RANBP2: variants seen among roughly 807,000 people sequenced by gnomAD.
RANBP2 encodes RAN binding protein 2.
In RANBP2, 57 loss-of-function variants were observed where a neutral mutation model predicts 303.6. The observed-to-expected ratio is 0.19, with a 90% CI of 0.15 to 0.23. The LOEUF is 0.23. Ranked by LOEUF, RANBP2 falls within the 10% of genes least tolerant of loss-of-function variation. RANBP2 has a pLI of 1.00. For synonymous variants in RANBP2, 1,167 were observed against 1,301.5 expected (o/e 0.90, Z 2.23); for missense variants, 3,138 against 3,780.8 (o/e 0.83, Z 4.46).
At chr2:108,768,786 A>T (rs1677294030) in intron 20 of RANBP2, among the ~76,000 whole-genome samples, 1 of 152,156 alleles carries the variant, frequency 6.6e-6, no homozygotes, top group Non-Finnish European at 1.5e-5. Flanking sequence ...GAATGCCAGC[A>T]CTTTGGGAGG....
the RANBP2 span, among the ~76,000 whole-genome samples, chr2:109,315,146 C>G: frequency 6.6e-6 from 1 of 152,212 alleles, no homozygotes. Context: ...TTTTACTTTA[C>G]TGAGTATAAT....
At chr2:109,359,865 G>A in the RANBP2 span, among the ~76,000 whole-genome samples, 1 of 152,102 alleles carries the variant, frequency 6.6e-6, no homozygotes, top group Non-Finnish European at 1.5e-5. Context: ...CAACCATAAA[G>A]GGTCATAAAA....
At chr2:109,655,615 C>A in the RANBP2 span, among the ~76,000 whole-genome samples, 3 of 148,314 alleles carry the variant, frequency 2.0e-5, no homozygotes, top group African/African-American at 8.0e-5. Flanking sequence ...TCACTTGGGT[C>A]CCTGAGAGAC....
At chr2:109,085,935 G>T in the RANBP2 span, among the ~76,000 whole-genome samples, 1 of 152,096 alleles carries the variant, frequency 6.6e-6, no homozygotes, top group Non-Finnish European at 1.5e-5. Flanking sequence ...GCACAGTTCC[G>T]TGGCATTAAG....
chr2:109,214,447 T>C, the RANBP2 span, among the ~76,000 whole-genome samples: 2 of 145,126 alleles, frequency 1.4e-5, no homozygotes, highest in Non-Finnish European at 3.0e-5. Flanking sequence ...ACTTAAAGTA[T>C]TAAAAAAAAA....
At chr2:109,498,880 G>A in the RANBP2 span, among the ~76,000 whole-genome samples, 1 of 152,222 alleles carries the variant, frequency 6.6e-6, no homozygotes, top group Non-Finnish European at 1.5e-5. Flanking sequence ...GGCGTTCTGG[G>A]CAGAGGGAGC....
the RANBP2 span, among the ~76,000 whole-genome samples, chr2:109,110,752 G>T: frequency 6.6e-6 from 1 of 152,184 alleles, no homozygotes; most frequent in African/African-American, 2.4e-5. Flanking sequence ...CTGTCTGGGA[G>T]ACAGCTGTCC....
the RANBP2 span, among the ~76,000 whole-genome samples, chr2:109,111,841 T>C: frequency 6.8e-6 from 1 of 147,372 alleles, no homozygotes; most frequent in Non-Finnish European, 1.5e-5. Context: ...GTCCATGTGT[T>C]CTCATTGTTC....
the RANBP2 span, among the ~76,000 whole-genome samples, chr2:109,339,061 G>A: frequency 6.6e-6 from 1 of 152,126 alleles, no homozygotes; most frequent in Non-Finnish European, 1.5e-5. Flanking sequence ...AAGTGGAAGT[G>A]GATCATCATA....
chr2:109,630,698 A>G, the RANBP2 span, among the ~76,000 whole-genome samples: 1 of 152,208 alleles, frequency 6.6e-6, no homozygotes, highest in Non-Finnish European at 1.5e-5. Flanking sequence ...ATTTCCTAAA[A>G]GAGTACAAAA....
At chr2:109,414,086 T>C in the RANBP2 span, among the ~76,000 whole-genome samples, 1 of 152,150 alleles carries the variant, frequency 6.6e-6, no homozygotes, top group Non-Finnish European at 1.5e-5. Flanking sequence ...TCCTTCTGTT[T>C]ATTGGGCTGC....
At chr2:109,360,567 G>T in the RANBP2 span, among the ~76,000 whole-genome samples, 4 of 152,142 alleles carry the variant, frequency 2.6e-5, no homozygotes, top group Non-Finnish European at 4.4e-5. Context: ...TCCAAAATCT[G>T]AAAACATCTG....
At chr2:108,796,406 A>G in the RANBP2 span, among the ~76,000 whole-genome samples, 10 of 152,214 alleles carry the variant, frequency 6.6e-5, no homozygotes, top group African/African-American at 2.4e-4. Context: ...AAGTACAGCC[A>G]CTGTGGAAAA....
chr2:109,688,754 G>C, the RANBP2 span, among the ~76,000 whole-genome samples: 1 of 141,086 alleles, frequency 7.1e-6, no homozygotes, highest in South Asian at 2.4e-4. Flanking sequence ...ACTCCAGCCT[G>C]GGTGACGGAG....
At chr2:109,452,258 C>T in the RANBP2 span, among the ~76,000 whole-genome samples, 373 of 152,340 alleles carry the variant, frequency 2.4e-3, 1 homozygote, top group African/African-American at 8.3e-3. Flanking sequence ...GCAGCCAGCA[C>T]ACTCCCTGCA....
intron 1 of RANBP2, among the ~76,000 whole-genome samples, chr2:108,724,799 T>G (rs1318177841): frequency 6.6e-6 from 1 of 151,876 alleles, no homozygotes; most frequent in Non-Finnish European, 1.5e-5. Context: ...CTTTTCCTCA[T>G]TGTCCTGTAT....
the RANBP2 span, among the ~76,000 whole-genome samples, chr2:109,649,305 T>C: frequency 5.2e-4 from 79 of 152,300 alleles, no homozygotes; most frequent in African/African-American, 1.8e-3. Flanking sequence ...AAAGCTTAAG[T>C]TGAAGCTTTC....
chr2:108,900,201 C>T, the RANBP2 span, among the ~76,000 whole-genome samples: 1 of 151,984 alleles, frequency 6.6e-6, no homozygotes, highest in African/African-American at 2.4e-5. Flanking sequence ...AAACAGTAAA[C>T]AAAATATAAA....
At chr2:108,750,429 T>G (rs1184702672) in intron 9 of RANBP2, among the ~76,000 whole-genome samples, 3 of 152,224 alleles carry the variant, frequency 2.0e-5, no homozygotes, top group Non-Finnish European at 2.9e-5. Flanking sequence ...GTGTCTTCAT[T>G]GCAAGTTATT....
Sources: allele counts gnomAD v4.1 joint callset (sites outside exome capture counted in the v4.1 genomes callset), GRCh38; gene constraint gnomAD v4.1.1; transcripts MANE v1.5; gene names NCBI Gene and HGNC (gene_info 2026-07-23, HGNC 2026-07-21).